Variants in CATSPER3 observed in about 807,000 individuals in gnomAD.
CATSPER3 encodes cation channel sperm associated 3.
Under a neutral mutation model 36.6 loss-of-function variants are expected in CATSPER3, and 23 were observed. The observed-to-expected ratio is 0.63, with a 90% confidence interval of 0.45 to 0.89. The LOEUF is 0.89. CATSPER3 is among the 40% of genes least tolerant of loss of function. The pLI is 0.00. For synonymous variants in CATSPER3, 172 were observed against 184.1 expected (o/e 0.93, Z 0.53); for missense variants, 474 against 503.9 (o/e 0.94, Z 0.57).
chr5:134,987,019 A>G (rs1751820270), intron 2 of CATSPER3, among the ~76,000 whole-genome samples: 1 of 152,206 alleles, frequency 6.6e-6, no homozygotes. Flanking sequence ...AAATACTAGA[A>G]CGAGATAAAC....
intron 2 of CATSPER3, 31 bp from the exon 3 acceptor site, chr5:134,996,242 C>A (rs1450943169): frequency 2.5e-6 from 4 of 1,614,088 alleles, no homozygotes; most frequent in Non-Finnish European, 3.4e-6. Context: ...GCAGCTCGAT[C>A]TGACTTCTCC....
In CATSPER3 at chr5:134,996,524, GGGGGTGTCATGGT is replaced by G; in HGVS notation, c.492+14_492+26del. 1 of 1,613,382 alleles carries G rather than the reference GGGGGTGTCATGGT, an allele frequency of 6.2e-7. No homozygotes were observed. ...GCCAGGGCATCCGGGTGAGTGCACT[GGGGGTGTCATGGT>G]GCTGGGAGGGCAGGCCGTAGGCCCA... On this transcript the variant is annotated intron_variant, in intron 3 of 7. Transcript: ENST00000282611.
At chr5:134,992,839 A>T (rs112204120) in intron 2 of CATSPER3, among the ~76,000 whole-genome samples, 25 of 152,354 alleles carry the variant, frequency 1.6e-4, no homozygotes, top group African/African-American at 5.8e-4. Flanking sequence ...TGTGGAAAAC[A>T]GTTTGGCAGT....
At chr5:134,998,089 G>A (rs1003262222) in intron 3 of CATSPER3, among the ~76,000 whole-genome samples, 2 of 152,000 alleles carry the variant, frequency 1.3e-5, no homozygotes, top group Non-Finnish European at 2.9e-5. Flanking sequence ...TCCATGACAG[G>A]CCCCGGTGTG....
chr5:135,009,972 G>C (rs1381325303), intron 6 of CATSPER3, among the ~76,000 whole-genome samples: 1 of 152,186 alleles, frequency 6.6e-6, no homozygotes, highest in Non-Finnish European at 1.5e-5. Context: ...GAGGGACCCG[G>C]GTGAATTTTC....
rs1056945181 is a variant in CATSPER3, at chr5:134,986,029, A to C, written c.253-10244A>C. Among the ~76,000 whole-genome samples, 6 of 152,264 alleles carry C rather than the reference A, an allele frequency of 3.9e-5. No homozygotes were observed. In the East Asian group the frequency reaches 9.7e-4, roughly 25 times the overall value. On this transcript the variant is annotated intron_variant, in intron 2 of 7. Coordinates refer to ENST00000282611, the MANE Select transcript of CATSPER3 (RefSeq NM_178019.3). ...ATATACATATATAATGAATTCTACC[A>C]GTCACTTAAATATATATATACATAA...
At chr5:135,001,597 A>C (rs1394252028) in intron 3 of CATSPER3, among the ~76,000 whole-genome samples, 1 of 152,162 alleles carries the variant, frequency 6.6e-6, no homozygotes, top group African/African-American at 2.4e-5. Flanking sequence ...GTGGGAGTCT[A>C]AGTCTCTTTG....
At chr5:134,974,617 T>C (rs756462793) in intron 2 of CATSPER3, among the ~76,000 whole-genome samples, 19 of 152,202 alleles carry the variant, frequency 1.2e-4, no homozygotes, top group Admixed American at 1.3e-4. Context: ...ATAAAAAGGT[T>C]AAAAATATAC....
rs559375969 is a variant in CATSPER3 at position 134,977,713 on chromosome 5, A to G, written c.252+7621A>G. Among the ~76,000 whole-genome samples, 11 of 152,106 alleles carry G rather than the reference A, an allele frequency of 7.2e-5. No homozygotes were observed. The South Asian group carries it at 2.1e-3, about 29-fold the overall frequency. On this transcript the variant is annotated intron_variant, in intron 2 of 7. Coordinates refer to ENST00000282611, the MANE Select transcript of CATSPER3 (RefSeq NM_178019.3). ...ACCACACTTCTGGTACCATTTTCCC[A>G]TATTAGTTTTTGTGTTGCTGTAAAG...
At chr5:134,996,795 G>A (rs561151498) in intron 3 of CATSPER3, among the ~76,000 whole-genome samples, 4 of 152,346 alleles carry the variant, frequency 2.6e-5, no homozygotes, top group East Asian at 1.9e-4. Flanking sequence ...CAGAGGCCAC[G>A]TCTGAACTTT....
rs1240895984 is a variant in CATSPER3 at position 135,011,638 on chromosome 5, C to T, written c.*15C>T. 3 of 1,579,556 alleles carry T rather than the reference C, an allele frequency of 1.9e-6. No individual in the cohort carries two copies. The highest frequency in any genetic ancestry group is 2.6e-6 in the Non-Finnish European group (3 of 1,149,674). ...ATGAGAAGTAGCTGGGCATGGGGCACCCATGTGCCGAGAGCCTTGCAGACC... is the reference window on the plus strand; with the variant it reads ...ATGAGAAGTAGCTGGGCATGGGGCATCCATGTGCCGAGAGCCTTGCAGACC... On this transcript the variant is annotated 3_prime_UTR_variant, in exon 8 of 8. Transcript: ENST00000282611.
intron 3 of CATSPER3, among the ~76,000 whole-genome samples, chr5:135,004,507 G>A (rs1752060443): frequency 6.6e-6 from 1 of 152,198 alleles, no homozygotes; most frequent in Admixed American, 6.5e-5. Context: ...AAAGAAGACT[G>A]GAGGCCCGAG....
intron 2 of CATSPER3, among the ~76,000 whole-genome samples, chr5:134,977,752 T>C (rs1445890017): frequency 6.6e-6 from 1 of 152,166 alleles, no homozygotes; most frequent in Non-Finnish European, 1.5e-5. Flanking sequence ...TACCTGAGGC[T>C]GAGTAATTTA....
At chr5:135,002,477 T>G (rs1463705978) in intron 3 of CATSPER3, among the ~76,000 whole-genome samples, 1 of 152,320 alleles carries the variant, frequency 6.6e-6, no homozygotes, top group East Asian at 1.9e-4. Context: ...CTTTGTGGTG[T>G]TCTCTGTATT....
chr5:134,991,038 C>A (rs1439922869), intron 2 of CATSPER3, among the ~76,000 whole-genome samples: 1 of 152,100 alleles, frequency 6.6e-6, no homozygotes, highest in African/African-American at 2.4e-5. Flanking sequence ...AGAAAATTAT[C>A]TTTACAAGAG....
chr5:134,998,070 C>T lies in CATSPER3; in HGVS notation c.492+1558C>T, dbSNP rs187332263. Among the ~76,000 whole-genome samples, 410 of 152,226 alleles carry T rather than the reference C, an allele frequency of 2.7e-3. 1 individual carries two copies. Among genetic ancestry groups the T allele is most frequent in the African/African-American group, 8.6e-3 (356 of 41,532 alleles). ...TATATCTCCTAATACTATCCCTCCC[C>T]GCCACCCCTCCATGACAGGCCCCGG... On this transcript the variant is annotated intron_variant, in intron 3 of 7. Coordinates refer to ENST00000282611, the MANE Select transcript of CATSPER3 (RefSeq NM_178019.3).
At chr5:134,995,013 C>G (rs1751927049) in intron 2 of CATSPER3, among the ~76,000 whole-genome samples, 1 of 150,652 alleles carries the variant, frequency 6.6e-6, no homozygotes, top group South Asian at 2.1e-4. Context: ...CTTCATCCCT[C>G]TCTCTCTCTT....
chr5:134,969,886 G>T, intron 1 of CATSPER3, 53 bp from the exon 2 acceptor site: 1 of 1,593,974 alleles, frequency 6.3e-7, no homozygotes, highest in South Asian at 1.1e-5. Flanking sequence ...GCATTTTATG[G>T]GGATCTAGCT....
intron 3 of CATSPER3, among the ~76,000 whole-genome samples, chr5:135,002,150 G>C (rs1403331868): frequency 2.6e-5 from 4 of 151,618 alleles, no homozygotes; most frequent in Admixed American, 6.6e-5. Flanking sequence ...TCTTTTAGGG[G>C]AGGCCTGGTG....
Sources: gnomAD v4.1 joint callset for allele counts (sites outside exome capture counted in the v4.1 genomes callset) on GRCh38, gnomAD v4.1.1 for gene constraint, MANE v1.5 for transcripts, NCBI Gene and HGNC (gene_info 2026-07-23, HGNC 2026-07-21) for gene names.